CCSER1: variants seen among roughly 807,000 people sequenced by gnomAD.
CCSER1 encodes the protein serine-rich coiled-coil domain-containing protein 1.
CCSER1 carries 41 observed loss-of-function variants against 82.0 expected under a neutral mutation model. The ratio of observed to expected loss-of-function variants is 0.50; its 90% CI spans 0.39 to 0.65. The LOEUF (loss-of-function observed/expected upper bound fraction) is 0.65, where lower values mean the gene tolerates loss of function less well. Among genes scored for constraint, CCSER1 ranks in the 30% least tolerant of loss-of-function variants. The pLI is 0.00. For missense variants in CCSER1, 1,119 were observed against 1,064.2 expected (o/e 1.05, Z -0.72); for synonymous variants, 414 against 383.9 (o/e 1.08, Z -0.92).
At chr4:91,073,966 T>C (rs1561523843) in intron 9 of CCSER1, among the ~76,000 whole-genome samples, 1 of 152,142 alleles carries the variant, frequency 6.6e-6, no homozygotes. Flanking sequence ...ATCCTTATCA[T>C]CCAACAATGT....
chr4:90,392,379 TA>T (rs1311164988), intron 3 of CCSER1, among the ~76,000 whole-genome samples: 1 of 152,106 alleles, frequency 6.6e-6, no homozygotes, highest in African/African-American at 2.4e-5. Context: ...TAGCTTTTTC[TA>T]AACAGCAAAG....
At chr4:91,392,568 G>A (rs1478508034) in intron 10 of CCSER1, among the ~76,000 whole-genome samples, 1 of 152,020 alleles carries the variant, frequency 6.6e-6, no homozygotes, top group African/African-American at 2.4e-5. Flanking sequence ...GTGTGTAGCA[G>A]TGATGTTTCT....
At chr4:91,018,255 C>G (rs1328518541) in intron 9 of CCSER1, among the ~76,000 whole-genome samples, 1 of 152,104 alleles carries the variant, frequency 6.6e-6, no homozygotes, top group Non-Finnish European at 1.5e-5. Flanking sequence ...ACTACACTTT[C>G]TCTAGTATTT....
chr4:90,313,495 G>A (rs960229494), intron 3 of CCSER1, among the ~76,000 whole-genome samples: 1 of 152,150 alleles, frequency 6.6e-6, no homozygotes, highest in African/African-American at 2.4e-5. Flanking sequence ...TTCCACAAAG[G>A]GTGAGGAGTT....
intron 6 of CCSER1, among the ~76,000 whole-genome samples, chr4:90,631,022 T>A (rs183304614): frequency 0.014 from 2,068 of 151,744 alleles, 53 homozygotes; most frequent in African/African-American, 0.048. Context: ...GCCTCCCGAG[T>A]AGCTGGGACA....
rs1351382551 is a variant in CCSER1, at chr4:90,502,180, C to T, written c.1724+33826C>T. On this transcript the variant is annotated intron_variant, in intron 5 of 10. Transcript: ENST00000509176. ...TTATAAAGAAAAGAGGTTTAGTTGA[C>T]TCACAGTTTCATAGGCTGTACAGGA... 2.6e-5 allele frequency among the ~76,000 whole-genome samples: 4 copies of T among 152,128 alleles called. No homozygotes were observed. In the East Asian group the frequency reaches 7.7e-4, roughly 29 times the overall value.
chr4:90,802,824 T>C (rs1757004941), intron 7 of CCSER1, among the ~76,000 whole-genome samples: 1 of 152,202 alleles, frequency 6.6e-6, no homozygotes, highest in Admixed American at 6.5e-5. Context: ...GCAGAATATA[T>C]TGTCAATGAT....
chr4:91,529,414 T>G (rs140583851), intron 10 of CCSER1, among the ~76,000 whole-genome samples: 1 of 152,208 alleles, frequency 6.6e-6, no homozygotes, highest in Non-Finnish European at 1.5e-5. Flanking sequence ...TGTTTTTCAA[T>G]CATATTTTGG....
intron 10 of CCSER1, among the ~76,000 whole-genome samples, chr4:91,547,288 G>A (rs1425624678): frequency 6.6e-6 from 1 of 152,026 alleles, no homozygotes; most frequent in Non-Finnish European, 1.5e-5. Context: ...GCATATTTCT[G>A]TTAGACGGAT....
chr4:90,639,051 G>C (rs1464759828), intron 6 of CCSER1, among the ~76,000 whole-genome samples: 1 of 152,004 alleles, frequency 6.6e-6, no homozygotes, highest in Admixed American at 6.6e-5. Context: ...TGAGTTTGGG[G>C]TAGGCACTCA....
chr4:90,834,090 A>C (rs536182108), intron 8 of CCSER1, among the ~76,000 whole-genome samples: 1 of 152,302 alleles, frequency 6.6e-6, no homozygotes, highest in African/African-American at 2.4e-5. Flanking sequence ...GCAACAGAAA[A>C]TGGACTAAGA....
chr4:91,420,080 C>T (rs1560656968), intron 10 of CCSER1, among the ~76,000 whole-genome samples: 1 of 152,046 alleles, frequency 6.6e-6, no homozygotes, highest in Non-Finnish European at 1.5e-5. Flanking sequence ...AATGAAAGAT[C>T]TGAAACTCTA....
At position 91,178,113 on chromosome 4, in the gene CCSER1, G is replaced by C. The variant is rs536703361; in HGVS notation, c.2217+92119G>C. On this transcript the variant is annotated intron_variant, in intron 10 of 10. Transcript: ENST00000509176. The stretch of plus-strand genomic sequence containing the variant: ...CAGGTTGTTCAGTTTCCATGTAGTT[G>C]AGCGGTTTTGAGTGAGTTTCTTAAT... Among the ~76,000 whole-genome samples, 225 of 152,272 alleles carry C rather than the reference G, an allele frequency of 1.5e-3. 5 individuals carry two copies. In the Middle Eastern group the frequency reaches 0.044, roughly 30 times the overall value.
At chr4:90,814,573 G>T (rs1284291222) in intron 7 of CCSER1, among the ~76,000 whole-genome samples, 2 of 152,054 alleles carry the variant, frequency 1.3e-5, no homozygotes, top group African/African-American at 4.8e-5. Context: ...GTTTTTGAAT[G>T]CATATGACTG....
chr4:91,106,283 A>G (rs985903638), intron 10 of CCSER1, among the ~76,000 whole-genome samples: 6 of 152,232 alleles, frequency 3.9e-5, no homozygotes, highest in African/African-American at 1.2e-4. Context: ...AAGAAATGAA[A>G]TCAGAAAGTG....
chr4:91,156,718 T>C (rs1353149546), intron 10 of CCSER1, among the ~76,000 whole-genome samples: 3 of 151,908 alleles, frequency 2.0e-5, no homozygotes, highest in Non-Finnish European at 2.9e-5. Context: ...AAATCTTTCT[T>C]CATTTGCATG....
At chr4:90,998,260 A>G (rs1271265397) in intron 9 of CCSER1, among the ~76,000 whole-genome samples, 5 of 152,016 alleles carry the variant, frequency 3.3e-5, no homozygotes, top group Non-Finnish European at 2.9e-5. Flanking sequence ...TTGTATTTTT[A>G]GTAGAGACGG....
At position 90,623,235 on chromosome 4, in the gene CCSER1, C is replaced by A. The variant is rs143518926; in HGVS notation, c.1725-4790C>A. On this transcript the variant is annotated intron_variant, in intron 5 of 10. Transcript: ENST00000509176. Reference sequence around the variant, plus strand: ...ATTTTTAGTAGAGACAGGGTTTCAGCGTGTTAACCTGGATGGTCTCGATCT... The same window carrying A: ...ATTTTTAGTAGAGACAGGGTTTCAGAGTGTTAACCTGGATGGTCTCGATCT... Among the ~76,000 whole-genome samples the A allele has an allele frequency of 5.3e-3, 800 of 151,940 alleles. 7 individuals carry two copies. The highest frequency in any genetic ancestry group is 0.018 in the African/African-American group (761 of 41,382).
At chr4:91,584,245 T>A (rs1389211564) in intron 10 of CCSER1, among the ~76,000 whole-genome samples, 1 of 151,332 alleles carries the variant, frequency 6.6e-6, no homozygotes, top group Non-Finnish European at 1.5e-5. Flanking sequence ...CCATGCCCAG[T>A]CAGTAGATTC....
Sources: allele counts gnomAD v4.1 joint callset (sites outside exome capture counted in the v4.1 genomes callset), GRCh38; gene constraint gnomAD v4.1.1; transcripts MANE v1.5; gene names NCBI Gene and HGNC (gene_info 2026-07-23, HGNC 2026-07-21).